Variants in STK32A observed in about 807,000 individuals in gnomAD.
STK32A encodes the protein serine/threonine kinase 32A, also known as serine/threonine-protein kinase 32A.
A neutral mutation model predicts 53.2 loss-of-function variants in STK32A; 41 were observed. That is an observed-to-expected ratio of 0.77 (90% CI 0.60 to 1.00). The LOEUF (loss-of-function observed/expected upper bound fraction) is 1.00. Among genes scored for constraint, STK32A ranks in the 50% least tolerant of loss-of-function variants. The probability of loss-of-function intolerance (pLI) is 0.00; values close to 1 mark genes in which losing one functional copy is unlikely to be tolerated. For missense variants in STK32A, 458 were observed against 485.8 expected (o/e 0.94, Z 0.54); for synonymous variants, 166 against 162.8 (o/e 1.02, Z -0.15).
intron 10 of STK32A, among the ~76,000 whole-genome samples, chr5:147,374,281 T>C (rs1313931864): frequency 7.8e-6 from 1 of 128,084 alleles, no homozygotes; most frequent in Non-Finnish European, 1.5e-5. Context: ...AGTGAGACCC[T>C]GTCTCAAAAA....
intron 4 of STK32A, among the ~76,000 whole-genome samples, chr5:147,296,001 A>G (rs917464707): frequency 5.9e-5 from 9 of 152,236 alleles, no homozygotes; most frequent in Non-Finnish European, 8.8e-5. Context: ...TAAATTTCTC[A>G]TGACTCAGCT....
At chr5:147,275,484 C>T (rs1755214113) in intron 2 of STK32A, among the ~76,000 whole-genome samples, 1 of 152,086 alleles carries the variant, frequency 6.6e-6, no homozygotes. Context: ...ACCACCATGC[C>T]TAGCAAATTT....
Position 147,327,628 on chromosome 5 carries a change from C to T in STK32A, c.434+3557C>T, listed in dbSNP as rs571377038. On this transcript the variant is annotated intron_variant, in intron 5 of 12. Transcript: ENST00000397936. Reference sequence around the variant, plus strand: ...TGCTTAGGGTTTCCTGGGTACCAGGCTGCCTGCTAAGCACTTGTGAGTTAT... The same window carrying T: ...TGCTTAGGGTTTCCTGGGTACCAGGTTGCCTGCTAAGCACTTGTGAGTTAT... Among the ~76,000 whole-genome samples, 4 of 152,358 alleles carry T rather than the reference C, an allele frequency of 2.6e-5. No individual in the cohort carries two copies. In the East Asian group the frequency reaches 5.8e-4, roughly 22 times the overall value.
intron 11 of STK32A, among the ~76,000 whole-genome samples, chr5:147,376,678 A>T (rs1757244969): frequency 6.6e-6 from 1 of 152,064 alleles, no homozygotes; most frequent in Non-Finnish European, 1.5e-5. Context: ...TCTCACTCTC[A>T]AGCACTGAAC....
intron 4 of STK32A, among the ~76,000 whole-genome samples, chr5:147,308,232 C>G (rs1753518267): frequency 6.6e-6 from 1 of 151,600 alleles, no homozygotes; most frequent in African/African-American, 2.4e-5. Flanking sequence ...CTTAATTTCT[C>G]TCTTTGGTTT....
intron 4 of STK32A, among the ~76,000 whole-genome samples, chr5:147,300,064 T>G (rs557732885): frequency 6.6e-6 from 1 of 152,324 alleles, no homozygotes; most frequent in African/African-American, 2.4e-5. Flanking sequence ...TAGCATTTCT[T>G]CATGGGTTTA....
At chr5:147,252,512 T>C (rs1754042050) in intron 2 of STK32A, among the ~76,000 whole-genome samples, 1 of 152,216 alleles carries the variant, frequency 6.6e-6, no homozygotes, top group South Asian at 2.1e-4. Flanking sequence ...TTAACATTTG[T>C]GGTGGTATCT....
intron 8 of STK32A, among the ~76,000 whole-genome samples, chr5:147,364,176 T>G (rs987033162): frequency 1.3e-5 from 2 of 148,636 alleles, no homozygotes; most frequent in East Asian, 3.9e-4. Flanking sequence ...GAACACAACA[T>G]TGTACTCCAG....
chr5:147,247,664 A>T (rs927056813), intron 2 of STK32A, among the ~76,000 whole-genome samples: 1 of 152,162 alleles, frequency 6.6e-6, no homozygotes, highest in Non-Finnish European at 1.5e-5. Context: ...CAACTACTCA[A>T]CTCTGCCACT....
chr5:147,288,192 C>A (rs938750491), intron 4 of STK32A, among the ~76,000 whole-genome samples: 1 of 152,118 alleles, frequency 6.6e-6, no homozygotes, highest in African/African-American at 2.4e-5. Flanking sequence ...TTACCTCCAC[C>A]CAGTGATTCT....
At chr5:147,259,092 A>G (rs889649307) in intron 2 of STK32A, among the ~76,000 whole-genome samples, 3 of 152,110 alleles carry the variant, frequency 2.0e-5, no homozygotes, top group Non-Finnish European at 4.4e-5. Flanking sequence ...CCCGGGAGGA[A>G]CCTGTCCTGA....
chr5:147,395,680 C>T, the STK32A span: 1 of 1,614,084 alleles, frequency 6.2e-7, no homozygotes, highest in Non-Finnish European at 8.5e-7. Context: ...CAAACACAGG[C>T]CCATCGTACA....
chr5:147,314,507 C>CAAAAAAAACAAAAAA (rs1561713376), intron 4 of STK32A, among the ~76,000 whole-genome samples: 6 of 12,768 alleles, frequency 4.7e-4, no homozygotes, highest in African/African-American at 8.5e-4. Flanking sequence ...TCAAAAAAAA[C>CAAAAAAAACAAAAAA]AAAAAAAAAC....
At chr5:147,255,663 C>T (rs1754199997) in intron 2 of STK32A, among the ~76,000 whole-genome samples, 1 of 152,154 alleles carries the variant, frequency 6.6e-6, no homozygotes, top group African/African-American at 2.4e-5. Context: ...CAAACTACCC[C>T]TCTTTCTGCT....
chr5:147,259,832 TCTCTCCTCTGTCTCTCTCCTCTCTCC>T lies in STK32A; in HGVS notation c.53-18286_53-18261del, dbSNP rs1330572906. Among the ~76,000 whole-genome samples, 27 of 147,370 alleles carry T rather than the reference TCTCTCCTCTGTCTCTCTCCTCTCTCC, an allele frequency of 1.8e-4. 1 individual carries two copies. The highest frequency in any genetic ancestry group is 1.4e-3 in the East Asian group (7 of 4,940). ...CCTGTTTCTCTCTCTCTCTTGTTTC[TCTCTCCTCTGTCTCTCTCCTCTCTCC>T]CTCTCTTCTGTCTCTCTCTCCTGTC... On this transcript the variant is annotated intron_variant, in intron 2 of 12. Transcript: ENST00000397936.
At chr5:147,300,151 T>TTTGGGTTTTACAAA (rs1753061180) in intron 4 of STK32A, among the ~76,000 whole-genome samples, 1 of 152,218 alleles carries the variant, frequency 6.6e-6, no homozygotes, top group African/African-American at 2.4e-5. Flanking sequence ...AGTGTTCTAT[T>TTTGGGTTTTACAAA]ACTTTGGGTT....
At chr5:147,327,690 G>A (rs1450061918) in intron 5 of STK32A, among the ~76,000 whole-genome samples, 1 of 152,174 alleles carries the variant, frequency 6.6e-6, no homozygotes, top group Non-Finnish European at 1.5e-5. Context: ...GAGGTTTATG[G>A]CACTTTGTCC....
chr5:147,280,304 G>A (rs927182863), intron 4 of STK32A, among the ~76,000 whole-genome samples: 86 of 151,806 alleles, frequency 5.7e-4, no homozygotes, highest in African/African-American at 2.0e-3. Flanking sequence ...GGGGGCAGGG[G>A]ATAAACCAAG....
At chr5:147,262,893 A>G in intron 2 of STK32A, among the ~76,000 whole-genome samples, 1 of 152,316 alleles carries the variant, frequency 6.6e-6, no homozygotes, top group Middle Eastern at 3.4e-3. Context: ...TGGCACTGTC[A>G]CGTGCCTCTA....
Sources: gnomAD v4.1 joint callset for allele counts (sites outside exome capture counted in the v4.1 genomes callset) on GRCh38, gnomAD v4.1.1 for gene constraint, MANE v1.5 for transcripts, NCBI Gene and HGNC (gene_info 2026-07-23, HGNC 2026-07-21) for gene names.